Variants in DPYSL2 observed in about 807,000 individuals in gnomAD.
DPYSL2 encodes the protein dihydropyrimidinase-related protein 2.
Under a neutral mutation model 69.9 loss-of-function variants are expected in DPYSL2, and 13 were observed. That is an observed-to-expected ratio of 0.19 (90% confidence interval 0.12 to 0.30). The LOEUF is 0.30. Among genes scored for constraint, DPYSL2 ranks in the 10% least tolerant of loss-of-function variants. The pLI, the probability that DPYSL2 is intolerant of heterozygous loss-of-function variation, is 1.00. For missense variants in DPYSL2, 587 were observed against 918.9 expected (o/e 0.64, Z 4.67); for synonymous variants, 326 against 359.1 (o/e 0.91, Z 1.04).
chr8:26,596,463 GACCCT>G (rs999096562), intron 3 of DPYSL2, among the ~76,000 whole-genome samples: 8 of 152,254 alleles, frequency 5.3e-5, no homozygotes, highest in Non-Finnish European at 8.8e-5. Context: ...GGAAGGGGAT[GACCCT>G]AGCAGTTGCT....
Position 26,514,953 on chromosome 8 carries a change from G to C in DPYSL2, c.354+274G>C, listed in dbSNP as rs889986469. 6.6e-6 allele frequency among the ~76,000 whole-genome samples: 1 copy of C among 152,238 alleles called. No homozygotes were observed. The highest frequency in any genetic ancestry group is 1.5e-5 in the Non-Finnish European group (1 of 68,036). On this transcript the variant is annotated intron_variant, in intron 1 of 13. Transcript: ENST00000521913. This position sits in a 1 kb window ranked among gnomAD's most constrained non-coding sequence, Gnocchi z 8.4. ...TAGGGAATGGGCTGATCCCCTGCTG[G>C]GGCGGGCGGTGGTCGTCTGGGAGGG...
intron 1 of DPYSL2, among the ~76,000 whole-genome samples, chr8:26,556,508 A>T (rs1585507302): frequency 1.4e-5 from 1 of 71,004 alleles, no homozygotes; most frequent in Non-Finnish European, 2.7e-5. Context: ...ATATAAGGTT[A>T]TTATACAAAA....
At position 26,591,737 on chromosome 8, in the gene DPYSL2, A is replaced by G. The variant is rs150077810; in HGVS notation, c.628+7754A>G. ...GCAGGTGGGCTGTGGGGGAGTCCAG[A>G]TCCTCTCCGCTTTCTCTTTGTCATC... On this transcript the variant is annotated intron_variant, in intron 3 of 13. Transcript: ENST00000521913. This position sits in a 1 kb window ranked among gnomAD's most constrained non-coding sequence, Gnocchi z 5.8. Among the ~76,000 whole-genome samples, 1 of 152,248 alleles carries G rather than the reference A, an allele frequency of 6.6e-6. No individual in the cohort carries two copies. Among genetic ancestry groups the G allele is most frequent in the Non-Finnish European group, 1.5e-5 (1 of 68,018 alleles).
intron 3 of DPYSL2, among the ~76,000 whole-genome samples, chr8:26,596,512 T>C (rs1299670297): frequency 1.3e-5 from 2 of 152,144 alleles, no homozygotes; most frequent in Non-Finnish European, 2.9e-5. Context: ...CCGGGAGTCA[T>C]GGGTAGGAGT....
rs182575533 is a variant in DPYSL2, at chr8:26,551,743, A to G, written c.355-30226A>G. Reference sequence around the variant, plus strand: ...ATACAAAGTAAGCTCTCAGACCACAATGAACTTAAACTAGAAATCAGTAAC... The same window carrying G: ...ATACAAAGTAAGCTCTCAGACCACAGTGAACTTAAACTAGAAATCAGTAAC... On this transcript the variant is annotated intron_variant, in intron 1 of 13. Coordinates refer to ENST00000521913, the MANE Select transcript of DPYSL2 (RefSeq NM_001197293.3). 3.2e-3 allele frequency among the ~76,000 whole-genome samples: 484 copies of G among 152,304 alleles called. 1 individual carries two copies. Among genetic ancestry groups the G allele is most frequent in the African/African-American group, 0.01 (433 of 41,566 alleles).
At chr8:26,581,524 C>G (rs1003202002) in intron 1 of DPYSL2, among the ~76,000 whole-genome samples, 1 of 151,984 alleles carries the variant, frequency 6.6e-6, no homozygotes, top group Non-Finnish European at 1.5e-5. Flanking sequence ...AGGCGCCCAC[C>G]ACCATGCCCA....
chr8:26,638,983 A>G (rs1802980750), intron 8 of DPYSL2, among the ~76,000 whole-genome samples: 1 of 152,186 alleles, frequency 6.6e-6, no homozygotes, highest in African/African-American at 2.4e-5. Flanking sequence ...TGATGACCTC[A>G]TCTGATGGAC....
At position 26,654,351 on chromosome 8, in the gene DPYSL2, G is replaced by A. The variant is rs1286812680; in HGVS notation, c.1942+954G>A. Among the ~76,000 whole-genome samples the A allele has an allele frequency of 6.6e-6, 1 of 151,962 alleles. No homozygotes were observed. The highest frequency in any genetic ancestry group is 2.4e-5 in the African/African-American group (1 of 41,360). On this transcript the variant is annotated intron_variant, in intron 13 of 13. Transcript: ENST00000521913. The surrounding 1 kb of genome is among the most constrained non-coding windows in gnomAD (Gnocchi z 5.0). ...CCATCTTTCATTTGTCCCATGACTA[G>A]AACATTCCACTCTTCCAGCTCCCTG...
At chr8:26,578,526 A>G (rs1801411720) in intron 1 of DPYSL2, 2 of 1,415,768 alleles carry the variant, frequency 1.4e-6, no homozygotes, top group Non-Finnish European at 1.8e-6. Flanking sequence ...GCACGAAGGT[A>G]GCCTTAGGTA....
chr8:26,604,769 C>G (rs570510066), intron 3 of DPYSL2, among the ~76,000 whole-genome samples: 1 of 151,930 alleles, frequency 6.6e-6, no homozygotes, highest in South Asian at 2.1e-4. Flanking sequence ...TCAAGTGATT[C>G]TCCTGCCTCA....
intron 1 of DPYSL2, among the ~76,000 whole-genome samples, chr8:26,579,964 C>A (rs186105592): frequency 8.9e-4 from 118 of 132,504 alleles, no homozygotes; most frequent in African/African-American, 3.1e-3. Flanking sequence ...GCCCCCCCCC[C>A]CACACCCTTT....
Position 26,642,134 on chromosome 8 carries a change from C to CTTT in DPYSL2, c.1127-1304_1127-1302dup, listed in dbSNP as rs1298583329. On this transcript the variant is annotated intron_variant, in intron 8 of 13. Coordinates refer to ENST00000521913, the MANE Select transcript of DPYSL2 (RefSeq NM_001197293.3). This position sits in a 1 kb window ranked among gnomAD's most constrained non-coding sequence, Gnocchi z 5.3. ...TGGGATCAAATTCCAGCTTGGATGCCTTTAATTAATAACATATTAGACCAT... is the reference window on the plus strand; with the variant it reads ...TGGGATCAAATTCCAGCTTGGATGCCTTTTTTAATTAATAACATATTAGACCAT... Among the ~76,000 whole-genome samples, 1 of 152,170 alleles carries CTTT rather than the reference C, an allele frequency of 6.6e-6. No individual in the cohort carries two copies. Among genetic ancestry groups the CTTT allele is most frequent in the Non-Finnish European group, 1.5e-5 (1 of 68,026 alleles).
rs1398265528 is a variant in DPYSL2, at chr8:26,562,539, G to A, written c.355-19430G>A. Among the ~76,000 whole-genome samples, 1 of 152,124 alleles carries A rather than the reference G, an allele frequency of 6.6e-6. No individual in the cohort carries two copies. Among genetic ancestry groups the A allele is most frequent in the Non-Finnish European group, 1.5e-5 (1 of 68,024 alleles). ...TAAAAAGTATTGGTCAGATTTTGTT[G>A]TTCCCGATTAGAATGCTTAAATGGT... is the stretch of plus-strand genomic sequence containing the variant. On this transcript the variant is annotated intron_variant, in intron 1 of 13. Coordinates refer to ENST00000521913, the MANE Select transcript of DPYSL2 (RefSeq NM_001197293.3). This position sits in a 1 kb window ranked among gnomAD's most constrained non-coding sequence, Gnocchi z 4.9.
intron 1 of DPYSL2, among the ~76,000 whole-genome samples, chr8:26,559,932 C>T (rs1372171405): frequency 6.6e-6 from 1 of 152,142 alleles, no homozygotes; most frequent in Non-Finnish European, 1.5e-5. Context: ...TCAGTAATCC[C>T]ACTGCTCATT....
At chr8:26,556,192 TTA>T (rs1360017504) in intron 1 of DPYSL2, among the ~76,000 whole-genome samples, 2 of 9,026 alleles carry the variant, frequency 2.2e-4, no homozygotes, top group African/African-American at 7.2e-4. Flanking sequence ...ACTATATATA[TTA>T]TATATACTAT....
chr8:26,612,612 G>A (rs761455788), intron 3 of DPYSL2, among the ~76,000 whole-genome samples: 2 of 152,276 alleles, frequency 1.3e-5, no homozygotes, highest in Non-Finnish European at 2.9e-5. Context: ...AGCACTTTGG[G>A]AGGCCGAGGC....
chr8:26,556,205 A>G (rs1431607208), intron 1 of DPYSL2, among the ~76,000 whole-genome samples: 1 of 9,160 alleles, frequency 1.1e-4, no homozygotes, highest in African/African-American at 2.1e-4. Flanking sequence ...TATATACTAT[A>G]TATATACTAT....
chr8:26,577,765 C>T (rs371898183), intron 1 of DPYSL2: 7 of 977,254 alleles, frequency 7.2e-6, no homozygotes, highest in Admixed American at 6.2e-5. Context: ...CGCCCCCGGC[C>T]GTTCACTGCC....
chr8:26,537,111 G>T (rs1404420353), intron 1 of DPYSL2, among the ~76,000 whole-genome samples: 1 of 152,000 alleles, frequency 6.6e-6, no homozygotes, highest in African/African-American at 2.4e-5. Context: ...ATTAGTTTAT[G>T]GCTAAATTAA....
Sources: allele counts gnomAD v4.1 joint callset (sites outside exome capture counted in the v4.1 genomes callset), GRCh38; gene constraint gnomAD v4.1.1; non-coding constraint Gnocchi (gnomAD v3.1); transcripts MANE v1.5; gene names NCBI Gene and HGNC (gene_info 2026-07-23, HGNC 2026-07-21).